PKN2: variants seen among roughly 807,000 people sequenced by gnomAD.
PKN2 encodes serine/threonine-protein kinase N2.
In PKN2, 38 loss-of-function variants were observed where a neutral mutation model predicts 119.1. The observed-to-expected ratio is 0.32, with a 90% CI of 0.25 to 0.42. The LOEUF is 0.42. PKN2 is among the 10% of genes least tolerant of loss of function. The pLI, the probability that PKN2 is intolerant of heterozygous loss-of-function variation, is 1.00. For synonymous variants in PKN2, 390 were observed against 384.9 expected (o/e 1.01, Z -0.15); for missense variants, 850 against 1,165.1 (o/e 0.73, Z 3.94).
chr1:88,827,869 G>A (rs1341823587), intron 18 of PKN2, among the ~76,000 whole-genome samples: 4 of 151,918 alleles, frequency 2.6e-5, no homozygotes, highest in East Asian at 1.9e-4. Context: ...ACAGGCGGGA[G>A]CCACCATGCC....
Position 88,813,879 on chromosome 1 carries a change from T to G in PKN2, c.2279+146T>G, listed in dbSNP as rs181479382. 515 of 604,852 alleles carry G rather than the reference T, an allele frequency of 8.5e-4. No individual in the cohort carries two copies. The African/African-American group carries it at 8.7e-3, about 10-fold the overall frequency. 37.5% of individuals were successfully genotyped at this position (604,852 alleles called of 1,614,324 possible). On this transcript the variant is annotated intron_variant, in intron 16 of 21. Transcript: ENST00000370521. ...TACTAGAACTCCTTACTTACTTTTT[T>G]GCCATATACTTTTTGTATGTATTCT...
At chr1:88,798,989 A>G (rs1671204317) in intron 8 of PKN2, among the ~76,000 whole-genome samples, 1 of 150,864 alleles carries the variant, frequency 6.6e-6, no homozygotes, top group Non-Finnish European at 1.5e-5. Flanking sequence ...AATCTTATGT[A>G]ACAATATAGG....
chr1:88,825,489 C>G (rs760553198), intron 18 of PKN2, among the ~76,000 whole-genome samples: 2 of 152,168 alleles, frequency 1.3e-5, no homozygotes, highest in Non-Finnish European at 2.9e-5. Flanking sequence ...GTGTTGGTAT[C>G]ACAATCCCCT....
chr1:88,689,707 A>G (rs556269754), intron 1 of PKN2, among the ~76,000 whole-genome samples: 1 of 152,170 alleles, frequency 6.6e-6, no homozygotes, highest in Non-Finnish European at 1.5e-5. Context: ...ACTACTTGGG[A>G]GGCTGAGGCA....
chr1:88,708,849 G>A (rs1298710534), intron 1 of PKN2, among the ~76,000 whole-genome samples: 2 of 151,766 alleles, frequency 1.3e-5, no homozygotes, highest in Non-Finnish European at 2.9e-5. Flanking sequence ...CAGAATATAG[G>A]CAGATAATTT....
chr1:88,783,962 C>A (rs1364980865), intron 6 of PKN2, among the ~76,000 whole-genome samples: 3 of 152,116 alleles, frequency 2.0e-5, no homozygotes, highest in African/African-American at 7.2e-5. Flanking sequence ...AACTATTAAA[C>A]ATAGTTGGTA....
chr1:88,787,699 T>G (rs1465028488), intron 8 of PKN2, among the ~76,000 whole-genome samples: 1 of 152,244 alleles, frequency 6.6e-6, no homozygotes, highest in Non-Finnish European at 1.5e-5. Context: ...GCCATTGTAA[T>G]CTTCACCTGA....
At chr1:88,792,405 A>AAAAT (rs560143650) in intron 8 of PKN2, among the ~76,000 whole-genome samples, 2,166 of 152,096 alleles carry the variant, frequency 0.014, 39 homozygotes, top group African/African-American at 0.045. Flanking sequence ...TCCGTCTCAA[A>AAAAT]AAATAAATAA....
chr1:88,770,313 C>G, intron 3 of PKN2, 39 bp from the exon 4 acceptor site: 1 of 1,197,964 alleles, frequency 8.3e-7, no homozygotes, highest in Non-Finnish European at 1.2e-6. Flanking sequence ...TCATTTTTCC[C>G]TTTATTTGCT....
intron 12 of PKN2, among the ~76,000 whole-genome samples, chr1:88,806,759 G>A (rs764802518): frequency 6.6e-6 from 1 of 151,446 alleles, no homozygotes; most frequent in African/African-American, 2.4e-5. Flanking sequence ...TGCTCTTGTT[G>A]CCCAGGCTGG....
chr1:88,765,672 G>A (rs935100246), intron 3 of PKN2, among the ~76,000 whole-genome samples: 1 of 152,096 alleles, frequency 6.6e-6, no homozygotes, highest in African/African-American at 2.4e-5. Context: ...TGTTGTTGTC[G>A]TCGTCGTCGT....
chr1:88,761,217 T>C (rs1239913788), intron 3 of PKN2, among the ~76,000 whole-genome samples: 1 of 152,188 alleles, frequency 6.6e-6, no homozygotes, highest in Admixed American at 6.5e-5. Context: ...CAAGGTTCTC[T>C]TCAGCCTAAG....
At chr1:88,691,901 A>C (rs1666351514) in intron 1 of PKN2, among the ~76,000 whole-genome samples, 1 of 152,086 alleles carries the variant, frequency 6.6e-6, no homozygotes, top group Admixed American at 6.6e-5. Flanking sequence ...AGTTATTGTT[A>C]ATTGCTTACT....
intron 1 of PKN2, among the ~76,000 whole-genome samples, chr1:88,692,488 G>T (rs968862088): frequency 6.6e-6 from 1 of 152,110 alleles, no homozygotes; most frequent in African/African-American, 2.4e-5. Flanking sequence ...AGCAATATAT[G>T]AAATAAAAGA....
At chr1:88,752,372 A>G (rs539619525) in intron 2 of PKN2, among the ~76,000 whole-genome samples, 1 of 152,028 alleles carries the variant, frequency 6.6e-6, no homozygotes, top group Non-Finnish European at 1.5e-5. Flanking sequence ...TAACATACTT[A>G]TTTCACAATC....
At chr1:88,790,818 A>AT (rs1430485145) in intron 8 of PKN2, among the ~76,000 whole-genome samples, 6 of 151,224 alleles carry the variant, frequency 4.0e-5, no homozygotes, top group African/African-American at 1.5e-4. Context: ...TGATCCTGTG[A>AT]TTTTCTTTTG....
chr1:88,724,882 G>GTTTT (rs60507382), intron 1 of PKN2, among the ~76,000 whole-genome samples: 8 of 105,974 alleles, frequency 7.5e-5, no homozygotes, highest in African/African-American at 2.6e-4. Flanking sequence ...CCACCCCTTG[G>GTTTT]TTTTTTTTTT....
At chr1:88,701,542 G>A (rs180973663) in intron 1 of PKN2, among the ~76,000 whole-genome samples, 18 of 152,230 alleles carry the variant, frequency 1.2e-4, no homozygotes, top group Admixed American at 2.0e-4. Flanking sequence ...AAACAGCAAA[G>A]CATTAAGTAT....
intron 19 of PKN2, among the ~76,000 whole-genome samples, chr1:88,830,843 T>A (rs1672698498): frequency 6.6e-6 from 1 of 152,092 alleles, no homozygotes; most frequent in Admixed American, 6.6e-5. Flanking sequence ...GAACTAAACT[T>A]AAAACTCATC....
Sources: allele counts gnomAD v4.1 joint callset (sites outside exome capture counted in the v4.1 genomes callset), GRCh38; gene constraint gnomAD v4.1.1; transcripts MANE v1.5; gene names NCBI Gene and HGNC (gene_info 2026-07-23, HGNC 2026-07-21).